Variants in MAN1A1 observed in about 807,000 individuals in gnomAD.
MAN1A1 encodes mannosyl-oligosaccharide 1,2-alpha-mannosidase IA.
Under a neutral mutation model 70.8 loss-of-function variants are expected in MAN1A1, and 29 were observed. The ratio of observed to expected loss-of-function variants is 0.41; its 90% CI spans 0.31 to 0.56. The LOEUF (loss-of-function observed/expected upper bound fraction) is 0.56. Ranked by LOEUF, MAN1A1 falls within the 20% of genes least tolerant of loss-of-function variation. The pLI is 0.29. For synonymous variants in MAN1A1, 349 were observed against 330.1 expected, an observed-to-expected ratio of 1.06 and a Z score of -0.62; for missense variants, 747 against 841.3, an observed-to-expected ratio of 0.89 and a Z score of 1.39.
Position 119,299,635 on chromosome 6 carries a change from A to G in MAN1A1, c.816+2353T>C, listed in dbSNP as rs147951477. 1.6e-4 allele frequency among the ~76,000 whole-genome samples: 24 copies of G among 152,300 alleles called. No individual in the cohort carries two copies. The East Asian group carries it at 4.6e-3, about 29-fold the overall frequency. ...AGAAAACTTCAAAGTTCAGTATCTTAGCAATAACTCAATGTTAGTCTAATC... is the reference window on the plus strand; with the variant it reads ...AGAAAACTTCAAAGTTCAGTATCTTGGCAATAACTCAATGTTAGTCTAATC... On this transcript the variant is annotated intron_variant, in intron 4 of 12. Coordinates refer to ENST00000368468, the MANE Select transcript of MAN1A1 (RefSeq NM_005907.4).
intron 2 of MAN1A1, among the ~76,000 whole-genome samples, chr6:119,327,816 T>G (rs1773195798): frequency 6.6e-6 from 1 of 152,130 alleles, no homozygotes; most frequent in Admixed American, 6.5e-5. Context: ...ATATATACAA[T>G]TTTTGTCTAA....
intron 5 of MAN1A1, among the ~76,000 whole-genome samples, chr6:119,280,099 A>G (rs1181343467): frequency 6.6e-6 from 1 of 152,230 alleles, no homozygotes; most frequent in African/African-American, 2.4e-5. Flanking sequence ...CTTCTCAACA[A>G]CACTTAAATA....
intron 2 of MAN1A1, among the ~76,000 whole-genome samples, chr6:119,321,172 A>G (rs1424485504): frequency 6.6e-6 from 1 of 152,240 alleles, no homozygotes; most frequent in East Asian, 1.9e-4. Context: ...CTTATTTAAA[A>G]TAGGTCAGTA....
At position 119,254,994 on chromosome 6, in the gene MAN1A1, T is replaced by A. The variant is rs138594083; in HGVS notation, c.898-6640A>T. ...GTTTTTGATCAACGTTTTAAAAACT[T>A]CAAAATTTAAAATCTATCAAATAAA... On this transcript the variant is annotated intron_variant, in intron 5 of 12. Coordinates refer to ENST00000368468, the MANE Select transcript of MAN1A1 (RefSeq NM_005907.4). Among the ~76,000 whole-genome samples, 958 of 152,324 alleles carry A rather than the reference T, an allele frequency of 6.3e-3. 9 individuals carry two copies. Among genetic ancestry groups the A allele is most frequent in the African/African-American group, 0.022 (905 of 41,574 alleles).
intron 5 of MAN1A1, among the ~76,000 whole-genome samples, chr6:119,261,196 G>T (rs1775603648): frequency 6.6e-6 from 1 of 151,816 alleles, no homozygotes; most frequent in Non-Finnish European, 1.5e-5. Context: ...GGCCAGGATG[G>T]TCTCGATCTC....
At chr6:119,300,382 A>T (rs529569057) in intron 4 of MAN1A1, among the ~76,000 whole-genome samples, 2 of 151,676 alleles carry the variant, frequency 1.3e-5, no homozygotes, top group East Asian at 3.9e-4. Context: ...CAGCCTCCTG[A>T]GTAGCTGGGA....
intron 6 of MAN1A1, among the ~76,000 whole-genome samples, chr6:119,226,244 G>C (rs1774510392): frequency 6.6e-6 from 1 of 152,132 alleles, no homozygotes; most frequent in Non-Finnish European, 1.5e-5. Context: ...CAAAGCACAG[G>C]AAAGGAGTGA....
At chr6:119,287,677 C>T (rs1157805068) in intron 5 of MAN1A1, among the ~76,000 whole-genome samples, 1 of 151,796 alleles carries the variant, frequency 6.6e-6, no homozygotes, top group African/African-American at 2.4e-5. Context: ...TCTTCCCAAA[C>T]TTATTTTTAG....
intron 6 of MAN1A1, among the ~76,000 whole-genome samples, chr6:119,222,834 G>T (rs925733740): frequency 6.6e-6 from 1 of 152,134 alleles, no homozygotes; most frequent in Non-Finnish European, 1.5e-5. Flanking sequence ...TTCTCTGGTG[G>T]CAGAATCTCT....
Position 119,178,007 on chromosome 6 carries a change from A to C in MAN1A1, c.*1812T>G, listed in dbSNP as rs895037009. On this transcript the variant is annotated 3_prime_UTR_variant, in exon 13 of 13. Coordinates refer to ENST00000368468, the MANE Select transcript of MAN1A1 (RefSeq NM_005907.4). ...AGGGCTCTTGCTATCCATTCATTTCATTAGGTGAACTGAAGATATGAGTGG... is the reference window on the plus strand; with the variant it reads ...AGGGCTCTTGCTATCCATTCATTTCCTTAGGTGAACTGAAGATATGAGTGG... The C allele has an allele frequency of 2.2e-4, 34 of 152,262 alleles. No homozygotes were observed. Among genetic ancestry groups the C allele is most frequent in the African/African-American group, 7.9e-4 (33 of 41,588 alleles). The allele number at this position is 152,262 out of a possible 1,614,324, so 9.4% of individuals were successfully genotyped here.
intron 1 of MAN1A1, 29 bp downstream of exon 1, chr6:119,349,513 C>G: frequency 1.0e-6 from 1 of 984,284 alleles, no homozygotes; most frequent in Non-Finnish European, 1.2e-6. Flanking sequence ...CAGGGCAGCG[C>G]GCGAGCACCT....
At chr6:119,246,215 G>A (rs1775163400) in intron 6 of MAN1A1, among the ~76,000 whole-genome samples, 1 of 152,128 alleles carries the variant, frequency 6.6e-6, no homozygotes, top group Non-Finnish European at 1.5e-5. Context: ...ACCTCTATTA[G>A]ATTTAGTAGG....
At chr6:119,323,804 G>A (rs1284936696) in intron 2 of MAN1A1, among the ~76,000 whole-genome samples, 1 of 152,188 alleles carries the variant, frequency 6.6e-6, no homozygotes, top group Non-Finnish European at 1.5e-5. Flanking sequence ...GATAGGAGAG[G>A]TGGTGGAGAA....
At position 119,272,253 on chromosome 6, in the gene MAN1A1, C is replaced by T. The variant is rs2299885; in HGVS notation, c.897+18430G>A. ...CTAGATTTTGATTTGTAAAGCCTCACGAGTTTCTGGTAGACTGTGTCCTTC... is the reference window on the plus strand; with the variant it reads ...CTAGATTTTGATTTGTAAAGCCTCATGAGTTTCTGGTAGACTGTGTCCTTC... On this transcript the variant is annotated intron_variant, in intron 5 of 12. Transcript: ENST00000368468. 5.9e-3 allele frequency among the ~76,000 whole-genome samples: 900 copies of T among 152,246 alleles called. 30 individuals carry two copies. In the East Asian group the frequency reaches 0.091, roughly 15 times the overall value.
At chr6:119,245,897 T>TA (rs1271477472) in intron 6 of MAN1A1, among the ~76,000 whole-genome samples, 1 of 152,110 alleles carries the variant, frequency 6.6e-6, no homozygotes, top group Non-Finnish European at 1.5e-5. Context: ...TGAAGTCTTA[T>TA]AAAAAATTTG....
chr6:119,271,173 T>C (rs778636199), intron 5 of MAN1A1, among the ~76,000 whole-genome samples: 3 of 152,154 alleles, frequency 2.0e-5, no homozygotes, highest in Non-Finnish European at 4.4e-5. Flanking sequence ...GGTTAAGAAG[T>C]TTTGAGTTAC....
intron 9 of MAN1A1, 32 bp from the exon 10 acceptor site, chr6:119,189,915 T>A: frequency 6.6e-7 from 1 of 1,510,908 alleles, no homozygotes; most frequent in Non-Finnish European, 9.2e-7. Flanking sequence ...TAACATTTTG[T>A]AATCTCTTCT....
intron 6 of MAN1A1, among the ~76,000 whole-genome samples, chr6:119,212,325 T>C (rs187824371): frequency 2.6e-5 from 4 of 152,274 alleles, no homozygotes; most frequent in Admixed American, 2.6e-4. Flanking sequence ...CAGTTTACTA[T>C]CAATTATACC....
chr6:119,318,267 G>A (rs76714652), intron 2 of MAN1A1, among the ~76,000 whole-genome samples: 15,379 of 152,142 alleles, frequency 0.1, 986 homozygotes, highest in Non-Finnish European at 0.14. Context: ...GCATTTCTCC[G>A]CTCATCCCTT....
Sources: allele counts gnomAD v4.1 joint callset (sites outside exome capture counted in the v4.1 genomes callset), GRCh38; gene constraint gnomAD v4.1.1; transcripts MANE v1.5; gene names NCBI Gene and HGNC (gene_info 2026-07-23, HGNC 2026-07-21).